CBFB: variants seen among roughly 807,000 people sequenced by gnomAD.
The protein encoded by CBFB is CBF-beta.
In CBFB, 9 loss-of-function variants were observed where a neutral mutation model predicts 30.4. That is an observed-to-expected ratio of 0.30 (90% CI 0.18 to 0.52). CBFB has a LOEUF of 0.52. Ranked by LOEUF, CBFB falls within the 20% of genes least tolerant of loss-of-function variation. The pLI, the probability that CBFB is intolerant of heterozygous loss-of-function variation, is 0.97. For missense variants in CBFB, 170 were observed against 244.0 expected, an observed-to-expected ratio of 0.70 and a Z score of 2.02; for synonymous variants, 94 against 84.0, an observed-to-expected ratio of 1.12 and a Z score of -0.65.
In CBFB at chr16:67,041,367, C is replaced by A. The variant is rs375320351; in HGVS notation, c.282+4612C>A. Among the ~76,000 whole-genome samples, 12 of 152,120 alleles carry A rather than the reference C, an allele frequency of 7.9e-5. No individual in the cohort carries two copies. In the East Asian group the frequency reaches 2.1e-3, roughly 27 times the overall value. On this transcript the variant is annotated intron_variant, in intron 3 of 5. Transcript: ENST00000412916. ...TATTGCAGTAATCTTGGTGAGAGAC[C>A]AGGGTGGTAGCAGTAGAGGTAGTGA...
At chr16:67,042,916 A>G (rs914501069) in intron 3 of CBFB, among the ~76,000 whole-genome samples, 6 of 152,008 alleles carry the variant, frequency 3.9e-5, no homozygotes, top group African/African-American at 1.5e-4. Flanking sequence ...TTGTACTTTT[A>G]GTAGAGACAG....
intron 5 of CBFB, among the ~76,000 whole-genome samples, chr16:67,086,880 A>G (rs1194439648): frequency 6.6e-6 from 1 of 152,124 alleles, no homozygotes; most frequent in Admixed American, 6.6e-5. Flanking sequence ...TGGAGGTTCA[A>G]AAGGGACAGC....
chr16:67,044,251 A>G (rs931709329), intron 3 of CBFB, among the ~76,000 whole-genome samples: 1 of 152,168 alleles, frequency 6.6e-6, no homozygotes, highest in Non-Finnish European at 1.5e-5. Flanking sequence ...TATGACTTTA[A>G]AGATAAGGGG....
At chr16:67,095,411 G>A (rs944006113) in intron 5 of CBFB, among the ~76,000 whole-genome samples, 2 of 152,046 alleles carry the variant, frequency 1.3e-5, no homozygotes, top group Non-Finnish European at 2.9e-5. Flanking sequence ...CAGCTACTTG[G>A]GAGGCTGAGG....
At chr16:67,043,255 G>A (rs1261660879) in intron 3 of CBFB, among the ~76,000 whole-genome samples, 1 of 152,118 alleles carries the variant, frequency 6.6e-6, no homozygotes, top group Non-Finnish European at 1.5e-5. Flanking sequence ...CTTAAATTTA[G>A]CGAACTCAGA....
At chr16:67,081,246 G>A (rs962555703) in intron 4 of CBFB, among the ~76,000 whole-genome samples, 2 of 150,304 alleles carry the variant, frequency 1.3e-5, no homozygotes, top group Non-Finnish European at 3.0e-5. Context: ...TTTGTTCTTG[G>A]CGATAGTTTA....
chr16:67,045,327 C>G (rs1249338397), intron 3 of CBFB, among the ~76,000 whole-genome samples: 1 of 151,932 alleles, frequency 6.6e-6, no homozygotes, highest in African/African-American at 2.4e-5. Flanking sequence ...ACCAGACTGG[C>G]CAACGTGATG....
rs559528794 is a variant in CBFB, at chr16:67,050,249, CAT to C, written c.282+13496_282+13497del. Among the ~76,000 whole-genome samples the C allele has an allele frequency of 6.0e-3, 876 of 146,534 alleles. 6 individuals are homozygous for C. The highest frequency in any genetic ancestry group is 0.02 in the African/African-American group (812 of 40,326). On this transcript the variant is annotated intron_variant, in intron 3 of 5. Transcript: ENST00000412916. ...ACATATTTATATGTAATATATATCA[CAT>C]AAATTATATATAATATATAAATATA...
intron 5 of CBFB, among the ~76,000 whole-genome samples, chr16:67,083,749 TTTAA>T (rs1961636788): frequency 6.6e-6 from 1 of 152,190 alleles, no homozygotes; most frequent in Admixed American, 6.5e-5. Flanking sequence ...TGATGTGTCT[TTTAA>T]TTGACAATGG....
rs1354221512 is a variant in CBFB, at chr16:67,067,738, T to TG, written c.399+943dup. On this transcript the variant is annotated intron_variant, in intron 4 of 5. Coordinates refer to ENST00000412916, the MANE Select transcript of CBFB (RefSeq NM_022845.3). ...AGCTGACTTTATTAAAAGCAGGGCT[T>TG]GGGAAAAAAAAAATCCATGCCCAGG... Among the ~76,000 whole-genome samples, 6 of 151,632 alleles carry TG rather than the reference T, an allele frequency of 4.0e-5. No individual in the cohort carries two copies. In the East Asian group the frequency reaches 7.7e-4, roughly 20 times the overall value.
chr16:67,059,606 G>C (rs1257419491), intron 3 of CBFB, among the ~76,000 whole-genome samples: 1 of 152,180 alleles, frequency 6.6e-6, no homozygotes, highest in Non-Finnish European at 1.5e-5. Context: ...CAACAAAGGG[G>C]AAATTTTAAA....
At position 67,029,830 on chromosome 16, in the gene CBFB, G is replaced by C. The variant is rs2145703078; in HGVS notation, c.165+17G>C. 4 of 1,570,198 alleles carry C rather than the reference G, an allele frequency of 2.5e-6. No individual in the cohort carries two copies. The highest frequency in any genetic ancestry group is 3.5e-6 in the Non-Finnish European group (4 of 1,159,112). On this transcript the variant is annotated intron_variant, in intron 2 of 5. Transcript: ENST00000412916. ...TCGGAAATCGTAAGTCGGCTGGCCC[G>C]GGGCGCGCGCGGGTCACTTGTTGCG... is the stretch of plus-strand genomic sequence containing the variant.
chr16:67,048,428 CAGTG>C (rs1275165682), intron 3 of CBFB, among the ~76,000 whole-genome samples: 1 of 152,144 alleles, frequency 6.6e-6, no homozygotes, highest in Non-Finnish European at 1.5e-5. Context: ...CACATATTCT[CAGTG>C]AGACTATACT....
chr16:67,082,924 T>C (rs1040827240), intron 5 of CBFB, among the ~76,000 whole-genome samples: 3 of 152,198 alleles, frequency 2.0e-5, no homozygotes, highest in African/African-American at 7.2e-5. Flanking sequence ...TAAAAAAATC[T>C]ATAGCCCAAT....
At chr16:67,097,481 G>GT (rs1298505750) in intron 5 of CBFB, among the ~76,000 whole-genome samples, 13 of 150,414 alleles carry the variant, frequency 8.6e-5, no homozygotes, top group Non-Finnish European at 5.9e-5. Context: ...GGAGTTGGAG[G>GT]TTGCAGTGAG....
chr16:67,076,059 G>A (rs558961544), intron 4 of CBFB, among the ~76,000 whole-genome samples: 23 of 152,214 alleles, frequency 1.5e-4, no homozygotes, highest in Non-Finnish European at 2.2e-4. Flanking sequence ...GTGAAACCCC[G>A]TATCAACTAA....
Position 67,099,257 on chromosome 16 carries a change from T to A in CBFB, c.*479T>A, listed in dbSNP as rs1341026754. ...TTGTTTTGTTTGCCCCATTTCCTTT[T>A]GTGTTTTTATAGTCTATAGCATTTT... is the stretch of plus-strand genomic sequence containing the variant. On this transcript the variant is annotated 3_prime_UTR_variant, in exon 6 of 6. Transcript: ENST00000412916. 1.3e-5 allele frequency: 3 copies of A among 232,340 alleles called. No individual in the cohort carries two copies. The highest frequency in any genetic ancestry group is 2.2e-5 in the African/African-American group (1 of 45,278). 14.4% of individuals were successfully genotyped at this position (232,340 alleles called of 1,614,324 possible). A position where few individuals can be genotyped will look rare whatever the true frequency, so the allele number is the denominator to read the frequency against.
rs540096125 is a variant in CBFB, at chr16:67,071,945, G to A, written c.399+5147G>A. 2.0e-5 allele frequency among the ~76,000 whole-genome samples: 3 copies of A among 152,296 alleles called. No individual in the cohort carries two copies. The South Asian group carries it at 6.2e-4, about 32-fold the overall frequency. On this transcript the variant is annotated intron_variant, in intron 4 of 5. Transcript: ENST00000412916. ...AATAGGCCCCATCTCTAGCGAGTGAGCCGGTGGCAGCCTCACTTCCATGGC... is the reference window on the plus strand; with the variant it reads ...AATAGGCCCCATCTCTAGCGAGTGAACCGGTGGCAGCCTCACTTCCATGGC...
At chr16:67,084,764 C>CGTGT (rs140621189) in intron 5 of CBFB, among the ~76,000 whole-genome samples, 1 of 150,734 alleles carries the variant, frequency 6.6e-6, no homozygotes, top group Non-Finnish European at 1.5e-5. Flanking sequence ...TGTGTGCATA[C>CGTGT]GTGTGTGTGT....
Sources: gnomAD v4.1 joint callset for allele counts (sites outside exome capture counted in the v4.1 genomes callset) on GRCh38, gnomAD v4.1.1 for gene constraint, MANE v1.5 for transcripts, NCBI Gene and HGNC (gene_info 2026-07-23, HGNC 2026-07-21) for gene names.